ARHGAP32: variants seen among roughly 807,000 people sequenced by gnomAD.
ARHGAP32 encodes rho GTPase-activating protein 32.
In ARHGAP32, 51 loss-of-function variants were observed where a neutral mutation model predicts 186.5. The observed-to-expected ratio is 0.27, with a 90% CI of 0.22 to 0.35. ARHGAP32 has a LOEUF of 0.35. ARHGAP32 is among the 10% of genes least tolerant of loss of function. ARHGAP32 has a pLI of 1.00. For synonymous variants in ARHGAP32, 950 were observed against 964.3 expected, an observed-to-expected ratio of 0.99 and a Z score of 0.27; for missense variants, 2,186 against 2,623.5, an observed-to-expected ratio of 0.83 and a Z score of 3.64.
intron 5 of ARHGAP32, among the ~76,000 whole-genome samples, chr11:129,119,875 T>C (rs1772858228): frequency 1.3e-5 from 2 of 152,044 alleles, no homozygotes. Context: ...AAGAGGCTAC[T>C]GTGGCTGGAT....
chr11:128,987,132 A>C (rs1281521168), intron 13 of ARHGAP32, among the ~76,000 whole-genome samples: 1 of 152,244 alleles, frequency 6.6e-6, no homozygotes, highest in Non-Finnish European at 1.5e-5. Context: ...GTCAGAAACA[A>C]CATAAAGCAA....
intron 10 of ARHGAP32, among the ~76,000 whole-genome samples, chr11:129,052,701 G>C (rs1940102200): frequency 6.6e-6 from 1 of 151,826 alleles, no homozygotes; most frequent in African/African-American, 2.4e-5. Context: ...AATGCTGCAA[G>C]TCTGTGGACT....
rs773163368 is a variant in ARHGAP32, at chr11:128,969,271, T to C, written c.5942A>G (p.Tyr1981Cys). 1.4e-5 allele frequency: 23 copies of C among 1,614,090 alleles called. No homozygotes were observed. The South Asian group carries it at 1.6e-4, about 12-fold the overall frequency. The change falls in exon 23 of 23, where the codon TAC becomes TGC. Residue 1981 changes from tyrosine to cysteine, a missense_variant. This residue lies in a region of ARHGAP32 where 1,502 missense variants were observed against 1,570.0 expected (regional missense o/e 0.96). Transcript: ENST00000682385. The surrounding 1 kb of genome is among the most constrained non-coding windows in gnomAD (Gnocchi z 4.8). ...SAPEKHSRDC[Y>C]KEEEHLTQSI... is the part of the protein sequence containing the mutation. ...CTGAGTGAGGTGTTCTTCCTCCTTGTAGCAGTCTCTGGAGTGTTTCTCTGG... is the reference window on the plus strand; with the variant it reads ...CTGAGTGAGGTGTTCTTCCTCCTTGCAGCAGTCTCTGGAGTGTTTCTCTGG...
intron 11 of ARHGAP32, among the ~76,000 whole-genome samples, chr11:128,999,128 G>A (rs1030017324): frequency 6.6e-5 from 10 of 152,176 alleles, no homozygotes; most frequent in Non-Finnish European, 1.2e-4. Flanking sequence ...TTGCAAAAGC[G>A]AATAGGAGAA....
At chr11:129,042,481 C>T (rs1181834151) in intron 10 of ARHGAP32, among the ~76,000 whole-genome samples, 3 of 152,058 alleles carry the variant, frequency 2.0e-5, no homozygotes, top group African/African-American at 7.2e-5. Context: ...TCCTATTTTA[C>T]GGAACAAGTA....
chr11:128,971,813 A>C (rs1209958485), intron 22 of ARHGAP32: 1 of 152,270 alleles, frequency 6.6e-6, no homozygotes, highest in African/African-American at 2.4e-5. Flanking sequence ...GAAGAAAAAC[A>C]ACCTGTGGCA....
chr11:129,076,130 G>A (rs1488165199), intron 6 of ARHGAP32, among the ~76,000 whole-genome samples: 1 of 152,120 alleles, frequency 6.6e-6, no homozygotes, highest in Admixed American at 6.6e-5. Context: ...TTACAAATGA[G>A]ATAACAACGT....
At chr11:129,250,050 CAA>C (rs35255123) in intron 1 of ARHGAP32, among the ~76,000 whole-genome samples, 2 of 139,634 alleles carry the variant, frequency 1.4e-5, no homozygotes, top group African/African-American at 2.7e-5. Flanking sequence ...CTCATTTCTA[CAA>C]AAAAAAAAAA....
upstream of ARHGAP32, among the ~76,000 whole-genome samples, chr11:129,192,909 G>T (rs1406950265): frequency 1.3e-5 from 2 of 152,120 alleles, no homozygotes; most frequent in African/African-American, 4.8e-5. Context: ...AGCATGCAAA[G>T]TTTTACACAT....
intron 2 of ARHGAP32, among the ~76,000 whole-genome samples, chr11:129,145,205 T>A (rs1176823363): frequency 6.6e-6 from 1 of 152,118 alleles, no homozygotes; most frequent in Non-Finnish European, 1.5e-5. Context: ...TACTTTATTA[T>A]GGTAAGTTAT....
At chr11:129,044,473 T>C (rs1939729216) in intron 10 of ARHGAP32, among the ~76,000 whole-genome samples, 1 of 152,136 alleles carries the variant, frequency 6.6e-6, no homozygotes, top group Non-Finnish European at 1.5e-5. Flanking sequence ...TCCCACAAGC[T>C]TAGCGTTCCA....
At chr11:129,185,032 A>G (rs1008765359) in intron 1 of ARHGAP32, among the ~76,000 whole-genome samples, 7 of 152,224 alleles carry the variant, frequency 4.6e-5, no homozygotes, top group Non-Finnish European at 1.0e-4. Flanking sequence ...ACCACTGTGG[A>G]AGTAGGTGTG....
chr11:129,120,328 C>A (rs905912912), intron 5 of ARHGAP32, among the ~76,000 whole-genome samples: 1 of 152,012 alleles, frequency 6.6e-6, no homozygotes, highest in African/African-American at 2.4e-5. Flanking sequence ...AAGAGCAGGT[C>A]TGAAAGACTG....
chr11:129,074,072 G>A (rs1337399607), intron 6 of ARHGAP32, among the ~76,000 whole-genome samples: 1 of 152,150 alleles, frequency 6.6e-6, no homozygotes. Flanking sequence ...GACCTGCTCT[G>A]TAAGAAATGT....
At chr11:129,062,242 C>T (rs780503906) in intron 10 of ARHGAP32, 38 bp downstream of exon 10, 3 of 1,581,604 alleles carry the variant, frequency 1.9e-6, no homozygotes, top group East Asian at 2.2e-5. Flanking sequence ...AAAAAACTTT[C>T]CTTTGAATTT....
chr11:129,145,223 C>T (rs1193980561), intron 2 of ARHGAP32, among the ~76,000 whole-genome samples: 1 of 152,008 alleles, frequency 6.6e-6, no homozygotes, highest in African/African-American at 2.4e-5. Context: ...TATTGTCAGT[C>T]TTCAGCGCTG....
Position 128,970,462 on chromosome 11 carries a change from T to C in ARHGAP32, c.4751A>G (p.Tyr1584Cys), listed in dbSNP as rs1474456950. Residue 1584 changes from tyrosine to cysteine, a missense_variant, in exon 23 of 23, where the codon TAC (tyrosine) becomes TGC (cysteine). By Grantham distance (194) the Tyr-to-Cys change is radical. Coordinates refer to ENST00000682385, the MANE Select transcript of ARHGAP32 (RefSeq NM_001378024.1). The surrounding 1 kb of genome is among the most constrained non-coding windows in gnomAD (Gnocchi z 5.8). Reference sequence around the variant, plus strand: ...AGGGTACGGTGGAATGTCTTCGGGGTAACAGGTATTCCTGACAGAGGAGCT... The same window carrying C: ...AGGGTACGGTGGAATGTCTTCGGGGCAACAGGTATTCCTGACAGAGGAGCT... Reference protein sequence around the residue: ...SLSSSVRNTCYPEDIPPYPTI... With the variant: ...SLSSSVRNTCCPEDIPPYPTI... The C allele has an allele frequency of 1.9e-6, 3 of 1,614,028 alleles. No individual in the cohort carries two copies. The highest frequency in any genetic ancestry group is 2.7e-5 in the African/African-American group (2 of 74,974).
intron 2 of ARHGAP32, among the ~76,000 whole-genome samples, chr11:129,136,361 G>A (rs894836426): frequency 1.3e-5 from 2 of 152,078 alleles, no homozygotes; most frequent in African/African-American, 4.8e-5. Flanking sequence ...TGACTGAGAG[G>A]TACTCAAGAG....
chr11:129,208,536 C>G (rs951353496), intron 1 of ARHGAP32, among the ~76,000 whole-genome samples: 1 of 152,054 alleles, frequency 6.6e-6, no homozygotes, highest in Non-Finnish European at 1.5e-5. Context: ...CTGAAAGGAT[C>G]AAATATATCC....
Sources: allele counts gnomAD v4.1 joint callset (sites outside exome capture counted in the v4.1 genomes callset), GRCh38; gene constraint gnomAD v4.1.1; regional missense constraint gnomAD v4.1.1; non-coding constraint Gnocchi (gnomAD v3.1); transcripts MANE v1.5; gene names NCBI Gene and HGNC (gene_info 2026-07-23, HGNC 2026-07-21).